Variants in PINX1 observed in about 807,000 individuals in gnomAD.
PINX1 encodes PIN2 (TERF1) interacting telomerase inhibitor 1.
Under a neutral mutation model 25.4 loss-of-function variants are expected in PINX1, and 34 were observed. The ratio of observed to expected loss-of-function variants is 1.34; its 90% confidence interval spans 1.02 to 1.78. The LOEUF (loss-of-function observed/expected upper bound fraction) is 1.78. PINX1 is among the 40% of genes most tolerant of loss of function. PINX1 has a pLI of 0.00. For synonymous variants in PINX1, 197 were observed against 147.7 expected, an observed-to-expected ratio of 1.33 and a Z score of -2.42; for missense variants, 592 against 404.9, an observed-to-expected ratio of 1.46 and a Z score of -3.97.
At position 10,814,108 on chromosome 8, in the gene PINX1, G is replaced by T. The variant is rs532247892; in HGVS notation, c.471+6085C>A. Among the ~76,000 whole-genome samples the T allele has an allele frequency of 2.6e-5, 4 of 152,180 alleles. No individual in the cohort carries two copies. The East Asian group carries it at 7.7e-4, about 29-fold the overall frequency. Reference sequence around the variant, plus strand: ...CTGGGAATCTCAATTCATTATCTTCGATCATTTCTTTGTCTCCACAGAAAG... The same window carrying T: ...CTGGGAATCTCAATTCATTATCTTCTATCATTTCTTTGTCTCCACAGAAAG... On this transcript the variant is annotated intron_variant, in intron 6 of 6. Transcript: ENST00000314787.
intron 6 of PINX1, among the ~76,000 whole-genome samples, chr8:10,802,278 C>T (rs1183804156): frequency 2.6e-5 from 4 of 152,188 alleles, no homozygotes; most frequent in African/African-American, 7.2e-5. Flanking sequence ...ACCTGGGGAA[C>T]AATTGCCAAG....
intron 6 of PINX1, among the ~76,000 whole-genome samples, chr8:10,806,367 C>T (rs1802452301): frequency 6.6e-6 from 1 of 152,180 alleles, no homozygotes; most frequent in East Asian, 1.9e-4. Context: ...AAATACAACT[C>T]ATAAGGAAGT....
chr8:10,819,938 G>C (rs1196953844), intron 6 of PINX1, among the ~76,000 whole-genome samples: 2 of 152,052 alleles, frequency 1.3e-5, no homozygotes, highest in Non-Finnish European at 2.9e-5. Flanking sequence ...GTTTAATCTA[G>C]TCCTCACACC....
At chr8:10,789,993 C>G (rs548330756) in intron 6 of PINX1, among the ~76,000 whole-genome samples, 4 of 152,334 alleles carry the variant, frequency 2.6e-5, no homozygotes, top group African/African-American at 4.8e-5. Context: ...AGTGCTCTCT[C>G]TGTGAGGACA....
chr8:10,811,225 G>A (rs1267103637), intron 6 of PINX1, among the ~76,000 whole-genome samples: 1 of 152,186 alleles, frequency 6.6e-6, no homozygotes, highest in Non-Finnish European at 1.5e-5. Flanking sequence ...AAATCACACA[G>A]TCTTCAAACT....
intron 6 of PINX1, among the ~76,000 whole-genome samples, chr8:10,804,070 A>G (rs535490355): frequency 6.6e-6 from 1 of 152,356 alleles, no homozygotes; most frequent in East Asian, 1.9e-4. Flanking sequence ...AGGGCCTATG[A>G]AAGTACAAAG....
intron 6 of PINX1, among the ~76,000 whole-genome samples, chr8:10,791,618 A>T (rs995214347): frequency 6.6e-5 from 10 of 152,176 alleles, no homozygotes; most frequent in African/African-American, 2.4e-4. Flanking sequence ...AAACATAGCT[A>T]TATTCTTTTA....
At chr8:10,832,596 A>C (rs1239703167) in intron 3 of PINX1, among the ~76,000 whole-genome samples, 1 of 152,234 alleles carries the variant, frequency 6.6e-6, no homozygotes, top group African/African-American at 2.4e-5. Flanking sequence ...CAATTTACCT[A>C]AAGTAATTTC....
chr8:10,768,561 G>A (rs1004419319), intron 6 of PINX1, among the ~76,000 whole-genome samples: 3 of 152,156 alleles, frequency 2.0e-5, no homozygotes, highest in African/African-American at 4.8e-5. Context: ...GGCTAGAGAG[G>A]GGCCAGCACC....
At chr8:10,835,816 G>A (rs1412415950) in intron 1 of PINX1, among the ~76,000 whole-genome samples, 1 of 152,050 alleles carries the variant, frequency 6.6e-6, no homozygotes, top group African/African-American at 2.4e-5. Flanking sequence ...AAGGAAGGAA[G>A]GAGTATAACT....
intron 6 of PINX1, among the ~76,000 whole-genome samples, chr8:10,794,968 G>A (rs1802041332): frequency 6.6e-6 from 1 of 152,114 alleles, no homozygotes; most frequent in Non-Finnish European, 1.5e-5. Context: ...GAATGCAGGT[G>A]GTGATAAAGG....
intron 4 of PINX1, among the ~76,000 whole-genome samples, chr8:10,826,511 A>G (rs867895070): frequency 1.3e-5 from 2 of 152,232 alleles, no homozygotes; most frequent in African/African-American, 4.8e-5. Context: ...TGAGGAAGAA[A>G]TGGAAACTTG....
At chr8:10,777,546 G>A (rs1801431387) in intron 6 of PINX1, among the ~76,000 whole-genome samples, 1 of 152,218 alleles carries the variant, frequency 6.6e-6, no homozygotes, top group African/African-American at 2.4e-5. Flanking sequence ...GTTGAAGGGG[G>A]GTTGGGTGTG....
intron 6 of PINX1, among the ~76,000 whole-genome samples, chr8:10,770,371 A>G (rs952259586): frequency 5.3e-5 from 8 of 152,228 alleles, no homozygotes; most frequent in African/African-American, 9.6e-5. Context: ...GTGGGCACAA[A>G]GGCAAGCTGA....
At chr8:10,819,821 A>G (rs753239178) in intron 6 of PINX1, among the ~76,000 whole-genome samples, 1 of 152,148 alleles carries the variant, frequency 6.6e-6, no homozygotes, top group Non-Finnish European at 1.5e-5. Flanking sequence ...CTCCATTCCA[A>G]GTGGAGTAAT....
intron 6 of PINX1, among the ~76,000 whole-genome samples, chr8:10,777,742 C>T (rs113538396): frequency 3.9e-5 from 6 of 152,190 alleles, no homozygotes; most frequent in African/African-American, 1.4e-4. Flanking sequence ...TTTATAAGGA[C>T]TTCCGTTCTG....
chr8:10,787,990 G>A (rs1174438959), intron 6 of PINX1, among the ~76,000 whole-genome samples: 2 of 152,222 alleles, frequency 1.3e-5, no homozygotes, highest in Admixed American at 1.3e-4. Flanking sequence ...TGGATTTGAT[G>A]ATACTGAGAA....
At chr8:10,821,837 G>C in intron 5 of PINX1, 1 of 152,192 alleles carries the variant, frequency 6.6e-6, no homozygotes, top group East Asian at 1.9e-4. Flanking sequence ...CTCTTCTATA[G>C]CAATTTGACT....
At chr8:10,813,071 T>C (rs909755569) in intron 6 of PINX1, among the ~76,000 whole-genome samples, 6 of 152,216 alleles carry the variant, frequency 3.9e-5, no homozygotes, top group Non-Finnish European at 8.8e-5. Flanking sequence ...CTGTTATCAA[T>C]GGTCAAAATG....
Sources: allele counts gnomAD v4.1 joint callset (sites outside exome capture counted in the v4.1 genomes callset), GRCh38; gene constraint gnomAD v4.1.1; transcripts MANE v1.5; gene names NCBI Gene and HGNC (gene_info 2026-07-23, HGNC 2026-07-21).